MRNIP: variants seen among roughly 807,000 people sequenced by gnomAD.
MRNIP encodes MRN complex interacting protein, also known as MRN complex-interacting protein.
MRNIP carries 30 observed loss-of-function variants against 29.8 expected under a neutral mutation model. That is an observed-to-expected ratio of 1.01 (90% CI 0.75 to 1.36). The LOEUF (loss-of-function observed/expected upper bound fraction) is 1.36, where lower values mean the gene tolerates loss of function less well. Ranked by LOEUF, MRNIP falls within the 40% of genes most tolerant of loss-of-function variation. MRNIP has a pLI of 0.00. For synonymous variants in MRNIP, 201 were observed against 164.1 expected, an observed-to-expected ratio of 1.23 and a Z score of -1.72; for missense variants, 459 against 423.5, an observed-to-expected ratio of 1.08 and a Z score of -0.74.
intron 2 of MRNIP, 66 bp downstream of exon 2, chr5:179,853,312 T>TG: frequency 2.5e-6 from 4 of 1,604,546 alleles, no homozygotes; most frequent in Non-Finnish European, 3.4e-6. Context: ...TGTGGCATGC[T>TG]GGGACTCCCT....
chr5:179,840,473 G>T (rs1758830615), intron 6 of MRNIP: 2 of 330,328 alleles, frequency 6.1e-6, no homozygotes, highest in South Asian at 1.0e-4. Flanking sequence ...AGAGTCCACA[G>T]CAGGGCAAAT....
Position 179,851,402 on chromosome 5 carries a change from A to G in MRNIP, c.126+1976T>C, listed in dbSNP as rs1267100225. 5 of 456,068 alleles carry G rather than the reference A, an allele frequency of 1.1e-5. No individual in the cohort carries two copies. In the Admixed American group the frequency reaches 1.2e-4, roughly 11 times the overall value. 28.3% of individuals were successfully genotyped at this position (456,068 alleles called of 1,614,324 possible). A position where few individuals can be genotyped will look rare whatever the true frequency, so the allele number is the denominator to read the frequency against. The stretch of plus-strand genomic sequence containing the variant: ...TTGGAATGAGATTCTATGGACTTGG[A>G]GCAGAGAATCTGACTGAACAGTCTG... On this transcript the variant is annotated intron_variant, in intron 2 of 6. Transcript: ENST00000292586.
intron 2 of MRNIP, among the ~76,000 whole-genome samples, chr5:179,849,438 C>T (rs1759263889): frequency 6.7e-6 from 1 of 149,528 alleles, no homozygotes. Context: ...ATGGCACAGG[C>T]AGATGGTACG....
In MRNIP at chr5:179,858,735, T is replaced by C. The variant is rs1759712796; in HGVS notation, c.62A>G (p.His21Arg). Residue 21 changes from histidine (H) to arginine (R), a missense_variant, in exon 1 of 7, where the codon CAC becomes CGC. Transcript: ENST00000292586. ...GGGGGCTGGCACCCGCCAGACCTGG[T>C]GCGCCTGGAAGAGGCGGCAGCTGCA... ...RCCSCRLFQA[H>R]QVKKSVKWTC... The C allele has an allele frequency of 6.6e-7, 1 of 1,521,724 alleles. No homozygotes were observed. The highest frequency in any genetic ancestry group is 8.8e-7 in the Non-Finnish European group (1 of 1,133,210). 94.3% of individuals were successfully genotyped at this position (1,521,724 alleles called of 1,614,324 possible). A position where few individuals can be genotyped will look rare whatever the true frequency, so the allele number is the denominator to read the frequency against.
intron 2 of MRNIP, 129 bp from the exon 3 acceptor site, chr5:179,848,195 T>C (rs907694916): frequency 1.3e-5 from 9 of 710,558 alleles, no homozygotes; most frequent in Non-Finnish European, 2.0e-5. Context: ...TAAAGCAGCA[T>C]GCAGGAATCC....
In MRNIP at chr5:179,858,768, A is replaced by G. The variant is rs1561626265; in HGVS notation, c.29T>C (p.Leu10Pro). MASLQRSRVLRCCSCRLFQA... is the reference protein window; with the variant it reads MASLQRSRVPRCCSCRLFQA... ...GAAGAGGCGGCAGCTGCAGCAGCGT[A>G]GCACCCGAGAACGCTGAAGCGACGC... The change falls in exon 1 of 7, where the codon CTA (leucine) becomes CCA (proline). Residue 10 changes from leucine to proline, a missense_variant. Physicochemically the swap from Leu to Pro is moderately conservative, Grantham distance 98. Transcript: ENST00000292586. 7 of 1,538,396 alleles carry G rather than the reference A, an allele frequency of 4.6e-6. No homozygotes were observed. Among genetic ancestry groups the G allele is most frequent in the Middle Eastern group, 1.7e-4 (1 of 5,936 alleles).
chr5:179,842,075 G>A lies in MRNIP; in HGVS notation c.292-11C>T. ...GGGCTGCGATTTTTCCTGCCAGATT[G>A]AGAAAAAAGTTGATTCTCAGTACTG... On this transcript the variant is annotated splice_polypyrimidine_tract_variant and intron_variant, in intron 4 of 6. Transcript: ENST00000292586. 6.2e-7 allele frequency: 1 copy of A among 1,610,894 alleles called. No individual in the cohort carries two copies. The highest frequency in any genetic ancestry group is 8.5e-7 in the Non-Finnish European group (1 of 1,179,094).
At chr5:179,842,616 T>C (rs1200718069) in intron 4 of MRNIP, among the ~76,000 whole-genome samples, 4 of 120,886 alleles carry the variant, frequency 3.3e-5, no homozygotes, top group East Asian at 2.4e-4. Flanking sequence ...AGGAGAATGG[T>C]GTGAACCCGG....
intron 3 of MRNIP, 30 bp from the exon 4 acceptor site, chr5:179,844,257 G>A (rs1490512698): frequency 6.3e-7 from 1 of 1,586,886 alleles, no homozygotes. Flanking sequence ...TATGCCCTTT[G>A]AAAAATGACC....
At chr5:179,841,631 G>A (rs549683316) in intron 5 of MRNIP, 4 of 416,798 alleles carry the variant, frequency 9.6e-6, no homozygotes, top group Non-Finnish European at 1.7e-5. Flanking sequence ...CTCTCCCCTG[G>A]GGTCAGTACA....
intron 2 of MRNIP, among the ~76,000 whole-genome samples, chr5:179,852,138 T>A (rs1759398504): frequency 6.6e-6 from 1 of 151,410 alleles, no homozygotes; most frequent in South Asian, 2.1e-4. Flanking sequence ...AAAAACAAAT[T>A]AGCTGGGTGT....
chr5:179,848,676 A>C (rs998698765), intron 2 of MRNIP, among the ~76,000 whole-genome samples: 3 of 152,236 alleles, frequency 2.0e-5, no homozygotes, highest in African/African-American at 7.2e-5. Context: ...AGTGCTCCTG[A>C]GAAAGACAAG....
chr5:179,838,228 G>GC (rs1758702312), intron 6 of MRNIP: 1 of 328,560 alleles, frequency 3.0e-6, no homozygotes, highest in Admixed American at 4.4e-5. Context: ...GGAAAGGGGT[G>GC]CGCTGGCTCC....
chr5:179,843,927 G>A (rs534058968), intron 4 of MRNIP, among the ~76,000 whole-genome samples: 3 of 152,252 alleles, frequency 2.0e-5, no homozygotes, highest in Admixed American at 6.5e-5. Context: ...GCAGACAGAG[G>A]AGAGAGTCCT....
chr5:179,849,551 A>C (rs1759269680), intron 2 of MRNIP, among the ~76,000 whole-genome samples: 1 of 150,668 alleles, frequency 6.6e-6, no homozygotes, highest in East Asian at 2.0e-4. Flanking sequence ...ATGGTAAGAG[A>C]TGGAATTTGT....
chr5:179,851,422 A>G (rs536848199), intron 2 of MRNIP: 1 of 456,062 alleles, frequency 2.2e-6, no homozygotes, highest in East Asian at 7.0e-5. Context: ...CTGACTGAAC[A>G]GTCTGGGGAG....
chr5:179,851,792 C>A (rs1196726522), intron 2 of MRNIP, among the ~76,000 whole-genome samples: 1 of 151,978 alleles, frequency 6.6e-6, no homozygotes, highest in Non-Finnish European at 1.5e-5. Flanking sequence ...TCCTGGCTAA[C>A]ATGGTGAAAC....
Position 179,837,576 on chromosome 5 carries a change from C to G in MRNIP, c.847G>C (p.Val283Leu). ...REGLSRPTAAVQLPRATHPVT... is the reference protein window; with the variant it reads ...REGLSRPTAALQLPRATHPVT... ...GGGTGTGTGGCCCGAGGAAGCTGGA[C>G]AGCGGCAGTGGGCCTGCTGAGGCCT... Residue 283 changes from valine to leucine, a missense_variant, in exon 7 of 7, where the codon GTC (valine) becomes CTC (leucine). Physicochemically the swap from Val to Leu is conservative, Grantham distance 32. Transcript: ENST00000292586. The G allele has an allele frequency of 6.2e-7, 1 of 1,614,238 alleles. No homozygotes were observed. The highest frequency in any genetic ancestry group is 8.5e-7 in the Non-Finnish European group (1 of 1,180,044).
At chr5:179,843,754 A>AC (rs1251429583) in intron 4 of MRNIP, among the ~76,000 whole-genome samples, 4 of 152,004 alleles carry the variant, frequency 2.6e-5, no homozygotes, top group African/African-American at 9.7e-5. Context: ...AAAAAAAACA[A>AC]AACAAAACAA....
Sources: gnomAD v4.1 joint callset for allele counts (sites outside exome capture counted in the v4.1 genomes callset) on GRCh38, gnomAD v4.1.1 for gene constraint, MANE v1.5 for transcripts, NCBI Gene and HGNC (gene_info 2026-07-23, HGNC 2026-07-21) for gene names.